The following ZNF385D variants were observed in gnomAD, a reference collection of about 807,000 sequenced individuals.
ZNF385D encodes the protein zinc finger protein 385D.
ZNF385D carries 15 observed loss-of-function variants against 35.8 expected under a neutral mutation model. The ratio of observed to expected loss-of-function variants is 0.42; its 90% CI spans 0.28 to 0.64. ZNF385D has a LOEUF of 0.64. Among genes scored for constraint, ZNF385D ranks in the 30% least tolerant of loss-of-function variants. ZNF385D has a pLI of 0.23. For synonymous variants in ZNF385D, 212 were observed against 186.8 expected (o/e 1.13, Z -1.10); for missense variants, 474 against 494.6 (o/e 0.96, Z 0.39).
chr3:21,800,532 G>A (rs749380027), intron 3 of ZNF385D, among the ~76,000 whole-genome samples: 4 of 152,134 alleles, frequency 2.6e-5, no homozygotes, highest in Admixed American at 1.3e-4. Context: ...CAGCCACTAC[G>A]GAGGCTAAGG....
At chr3:21,814,116 G>A (rs2073049461) in intron 3 of ZNF385D, among the ~76,000 whole-genome samples, 3 of 152,198 alleles carry the variant, frequency 2.0e-5, no homozygotes, top group South Asian at 2.1e-4. Context: ...ATAAGTGAAG[G>A]AGAAATAAAA....
At chr3:22,144,538 A>G (rs1399072245) in intron 3 of ZNF385D, among the ~76,000 whole-genome samples, 3 of 131,946 alleles carry the variant, frequency 2.3e-5, no homozygotes, top group Non-Finnish European at 4.6e-5. Context: ...ATGCCACTGC[A>G]CTCCAGCCTA....
intron 2 of ZNF385D, among the ~76,000 whole-genome samples, chr3:22,298,984 C>A (rs2125408775): frequency 6.6e-6 from 1 of 152,022 alleles, no homozygotes; most frequent in Middle Eastern, 3.4e-3. Flanking sequence ...AGAGAGGATA[C>A]AGGCTGGATT....
At chr3:21,772,408 A>G (rs1246246249) in intron 3 of ZNF385D, among the ~76,000 whole-genome samples, 1 of 151,934 alleles carries the variant, frequency 6.6e-6, no homozygotes, top group Non-Finnish European at 1.5e-5. Flanking sequence ...GCTGATTAGA[A>G]AATGGACAAA....
intron 2 of ZNF385D, among the ~76,000 whole-genome samples, chr3:22,248,884 T>G (rs1235017625): frequency 6.6e-6 from 1 of 152,146 alleles, no homozygotes; most frequent in Non-Finnish European, 1.5e-5. Context: ...ATGAAGCCTG[T>G]GCATATTTTT....
At chr3:22,281,932 T>C (rs1701765209) in intron 2 of ZNF385D, among the ~76,000 whole-genome samples, 1 of 152,108 alleles carries the variant, frequency 6.6e-6, no homozygotes, top group South Asian at 2.1e-4. Context: ...CTGCTTGTTA[T>C]TGGTCTGTTC....
chr3:22,044,779 G>C (rs1365748390), intron 3 of ZNF385D, among the ~76,000 whole-genome samples: 1 of 152,074 alleles, frequency 6.6e-6, no homozygotes, highest in Non-Finnish European at 1.5e-5. Context: ...AGATCTTCAA[G>C]TTTCTCATGA....
At chr3:21,923,273 A>G (rs149886837) in intron 3 of ZNF385D, among the ~76,000 whole-genome samples, 51 of 151,858 alleles carry the variant, frequency 3.4e-4, no homozygotes, top group Non-Finnish European at 6.5e-4. Context: ...CACATTATTA[A>G]TCATCAGAGA....
chr3:21,863,096 C>T (rs1697147460), intron 3 of ZNF385D, among the ~76,000 whole-genome samples: 1 of 152,018 alleles, frequency 6.6e-6, no homozygotes, highest in Non-Finnish European at 1.5e-5. Flanking sequence ...GTCCACTATC[C>T]TCAAAATCCT....
chr3:21,707,088 C>T (rs1158502344), intron 1 of ZNF385D, among the ~76,000 whole-genome samples: 2 of 151,872 alleles, frequency 1.3e-5, no homozygotes, highest in African/African-American at 4.8e-5. Context: ...CTTTACTTGC[C>T]AAGAATATTT....
At chr3:21,733,510 T>C (rs978661512) in intron 1 of ZNF385D, among the ~76,000 whole-genome samples, 5 of 152,212 alleles carry the variant, frequency 3.3e-5, no homozygotes, top group African/African-American at 4.8e-5. Context: ...TGTCTGACAT[T>C]GGTGTTGTAA....
chr3:22,000,154 A>C (rs576237215), intron 3 of ZNF385D, among the ~76,000 whole-genome samples: 1 of 152,200 alleles, frequency 6.6e-6, no homozygotes, highest in South Asian at 2.1e-4. Flanking sequence ...AAATACAAAA[A>C]ATTAGCCTGG....
At chr3:22,133,273 A>G (rs1703906611) in intron 3 of ZNF385D, among the ~76,000 whole-genome samples, 1 of 152,098 alleles carries the variant, frequency 6.6e-6, no homozygotes, top group African/African-American at 2.4e-5. Context: ...TTTCCTTAAT[A>G]TCCTTCTTAA....
At chr3:21,834,697 C>G (rs1036585932) in intron 3 of ZNF385D, among the ~76,000 whole-genome samples, 1 of 152,154 alleles carries the variant, frequency 6.6e-6, no homozygotes. Flanking sequence ...ATGTTTGGCT[C>G]TGTGTCCCCA....
intron 4 of ZNF385D, among the ~76,000 whole-genome samples, chr3:21,469,000 A>G (rs557274688): frequency 6.6e-6 from 1 of 152,148 alleles, no homozygotes; most frequent in East Asian, 1.9e-4. Context: ...GTACTGTGAC[A>G]AAGCAGATTA....
At chr3:22,167,821 T>C (rs1706434850) in intron 3 of ZNF385D, among the ~76,000 whole-genome samples, 1 of 152,160 alleles carries the variant, frequency 6.6e-6, no homozygotes, top group African/African-American at 2.4e-5. Flanking sequence ...ACAAATAACA[T>C]CTATAATTAA....
intron 3 of ZNF385D, among the ~76,000 whole-genome samples, chr3:21,885,496 G>A (rs934829500): frequency 1.3e-5 from 2 of 151,800 alleles, no homozygotes; most frequent in South Asian, 4.1e-4. Flanking sequence ...AAGAGCAAAT[G>A]GAGATATAAC....
At chr3:22,107,474 A>C (rs545404787) in intron 3 of ZNF385D, among the ~76,000 whole-genome samples, 4 of 152,232 alleles carry the variant, frequency 2.6e-5, no homozygotes, top group South Asian at 4.1e-4. Context: ...AAAAACTACT[A>C]ATCTTAAAAA....
At chr3:21,509,778 T>C (rs2125463072) in intron 4 of ZNF385D, among the ~76,000 whole-genome samples, 1 of 152,294 alleles carries the variant, frequency 6.6e-6, no homozygotes, top group South Asian at 2.1e-4. Flanking sequence ...GCATGATGCA[T>C]CTACAATAAT....
Sources: gnomAD v4.1 joint callset for allele counts (sites outside exome capture counted in the v4.1 genomes callset) on GRCh38, gnomAD v4.1.1 for gene constraint, MANE v1.5 for transcripts, NCBI Gene and HGNC (gene_info 2026-07-23, HGNC 2026-07-21) for gene names.